PRORP: variants seen among roughly 807,000 people sequenced by gnomAD.
PRORP encodes the protein mitochondrial ribonuclease P catalytic subunit.
A neutral mutation model predicts 59.4 loss-of-function variants in PRORP; 51 were observed. That is an observed-to-expected ratio of 0.86 (90% confidence interval 0.69 to 1.08). The LOEUF is 1.08. Ranked by LOEUF, PRORP falls within the 50% of genes least tolerant of loss-of-function variation. The pLI is 0.00. For missense variants in PRORP, 646 were observed against 690.3 expected (o/e 0.94, Z 0.72); for synonymous variants, 231 against 245.6 (o/e 0.94, Z 0.55).
Position 35,137,260 on chromosome 14 carries a change from G to A in PRORP, c.1167+9649G>A, listed in dbSNP as rs1566449409. Among the ~76,000 whole-genome samples, 6 of 141,814 alleles carry A rather than the reference G, an allele frequency of 4.2e-5. 1 individual carries two copies. In the South Asian group the frequency reaches 1.4e-3, roughly 33 times the overall value. 93.0% of individuals were successfully genotyped at this position (141,814 alleles called of 152,430 possible). A position where few individuals can be genotyped will look rare whatever the true frequency, so the allele number is the denominator to read the frequency against. On this transcript the variant is annotated intron_variant, in intron 4 of 7. Transcript: ENST00000534898. ...TGCCTGTTTGGAGGATGAAGAAAAG[G>A]TATCAATAGAGATAAAAAATATTGA...
chr14:35,124,297 T>G, intron 2 of PRORP, 66 bp downstream of exon 2: 1 of 1,087,666 alleles, frequency 9.2e-7, no homozygotes, highest in Non-Finnish European at 1.3e-6. Context: ...AGACAGGGTC[T>G]TGCTCTGTTG....
At chr14:35,193,756 T>C (rs115920788) in intron 5 of PRORP, among the ~76,000 whole-genome samples, 4 of 152,078 alleles carry the variant, frequency 2.6e-5, no homozygotes, top group African/African-American at 4.8e-5. Flanking sequence ...ATGTTTACAA[T>C]AGGAAATGTT....
At chr14:35,235,830 C>G (rs2050196076) in intron 5 of PRORP, among the ~76,000 whole-genome samples, 1 of 151,858 alleles carries the variant, frequency 6.6e-6, no homozygotes, top group Non-Finnish European at 1.5e-5. Flanking sequence ...TTTTGGGAGG[C>G]CGAGGTGGTG....
At chr14:35,134,378 T>C (rs1162421134) in intron 4 of PRORP, among the ~76,000 whole-genome samples, 1 of 152,132 alleles carries the variant, frequency 6.6e-6, no homozygotes, top group Non-Finnish European at 1.5e-5. Flanking sequence ...CTTAGTGCTC[T>C]ACCCACCTCT....
Position 35,240,252 on chromosome 14 carries a change from T to C in PRORP, c.1276-26475T>C, listed in dbSNP as rs1019220852. Among the ~76,000 whole-genome samples, 9 of 151,932 alleles carry C rather than the reference T, an allele frequency of 5.9e-5. No homozygotes were observed. In the South Asian group the frequency reaches 8.3e-4, roughly 14 times the overall value. ...TTATTTTAGCATTCTTTAAAAATAC[T>C]GTGGTTCCTGCTTCCTGGGCAGTGG... On this transcript the variant is annotated intron_variant, in intron 5 of 7. Transcript: ENST00000534898.
intron 5 of PRORP, among the ~76,000 whole-genome samples, chr14:35,192,921 G>A (rs2048918693): frequency 6.6e-6 from 1 of 151,714 alleles, no homozygotes. Context: ...TTGAACCCGG[G>A]AGCCAGAGGT....
At chr14:35,126,388 G>A (rs959968774) in intron 2 of PRORP, among the ~76,000 whole-genome samples, 1 of 152,194 alleles carries the variant, frequency 6.6e-6, no homozygotes, top group Non-Finnish European at 1.5e-5. Context: ...GTGTGTAAGA[G>A]GTAAATTACT....
In PRORP at chr14:35,276,582, A is replaced by G. The variant is rs1204446685; in HGVS notation, c.*3016A>G. The G allele has an allele frequency of 6.6e-6, 1 of 151,968 alleles. No individual in the cohort carries two copies. Among genetic ancestry groups the G allele is most frequent in the African/African-American group, 2.4e-5 (1 of 41,372 alleles). The allele number at this position is 151,968 out of a possible 1,614,324, so 9.4% of individuals were successfully genotyped here. A position where few individuals can be genotyped will look rare whatever the true frequency, so the allele number is the denominator to read the frequency against. Reference sequence around the variant, plus strand: ...AGGAGTGCAGGGATTCCCTGAAGGAAGCAGCTGGTACCAGACACTTAGGCT... The same window carrying G: ...AGGAGTGCAGGGATTCCCTGAAGGAGGCAGCTGGTACCAGACACTTAGGCT... On this transcript the variant is annotated 3_prime_UTR_variant, in exon 8 of 8. Transcript: ENST00000534898.
At chr14:35,134,374 G>A (rs530344982) in intron 4 of PRORP, among the ~76,000 whole-genome samples, 1 of 152,222 alleles carries the variant, frequency 6.6e-6, no homozygotes, top group East Asian at 1.9e-4. Context: ...CACCCTTAGT[G>A]CTCTACCCAC....
At chr14:35,230,076 C>T (rs183809855) in intron 5 of PRORP, among the ~76,000 whole-genome samples, 1 of 126,978 alleles carries the variant, frequency 7.9e-6, no homozygotes, top group African/African-American at 3.4e-5. Flanking sequence ...TTTTTGAGAC[C>T]AAGTATCACT....
At chr14:35,204,343 C>G (rs1346497588) in intron 5 of PRORP, among the ~76,000 whole-genome samples, 1 of 152,156 alleles carries the variant, frequency 6.6e-6, no homozygotes, top group African/African-American at 2.4e-5. Flanking sequence ...TCCTGCCTCC[C>G]TAGTCACAAA....
intron 4 of PRORP, among the ~76,000 whole-genome samples, chr14:35,168,019 T>A (rs191422075): frequency 3.3e-5 from 5 of 152,348 alleles, no homozygotes; most frequent in Admixed American, 2.0e-4. Flanking sequence ...CATTAGTTAA[T>A]AGACACTTGA....
In PRORP at chr14:35,123,442, G is replaced by C. The variant is rs187173981; in HGVS notation, c.197G>C (p.Arg66Thr). The C allele has an allele frequency of 6.8e-6, 11 of 1,614,176 alleles. No individual in the cohort carries two copies. In the East Asian group the frequency reaches 2.5e-4, roughly 36 times the overall value. ...TKATNLIAKA[R>T]YLRKDEGSNK... Reference sequence around the variant, plus strand: ...GCAACGAATCTGATTGCCAAGGCCAGATATCTCAGGAAAGATGAGGGCAGT... The same window carrying C: ...GCAACGAATCTGATTGCCAAGGCCACATATCTCAGGAAAGATGAGGGCAGT... Residue 66 changes from arginine (R) to threonine (T), a missense_variant, in exon 2 of 8, where the codon AGA becomes ACA. Arg to Thr is a moderately conservative substitution (Grantham distance 71). Transcript: ENST00000534898.
At chr14:35,150,398 T>TA (rs2047715434) in intron 4 of PRORP, among the ~76,000 whole-genome samples, 1 of 152,200 alleles carries the variant, frequency 6.6e-6, no homozygotes, top group South Asian at 2.1e-4. Flanking sequence ...TTTACTGTCT[T>TA]ACAGCAGCAC....
chr14:35,138,234 T>C (rs1364488953), intron 4 of PRORP, among the ~76,000 whole-genome samples: 2 of 145,512 alleles, frequency 1.4e-5, no homozygotes, highest in East Asian at 2.3e-4. Flanking sequence ...GGCCCATCCT[T>C]ATGACCTTAT....
intron 4 of PRORP, among the ~76,000 whole-genome samples, chr14:35,169,971 A>G (rs2048275408): frequency 1.3e-5 from 2 of 152,180 alleles, no homozygotes; most frequent in African/African-American, 4.8e-5. Flanking sequence ...TTGTTCTGTC[A>G]GCTTTTCCTT....
At chr14:35,272,845 T>G (rs1307853034) in intron 7 of PRORP, among the ~76,000 whole-genome samples, 1 of 152,216 alleles carries the variant, frequency 6.6e-6, no homozygotes. Flanking sequence ...CTCAAGTCCC[T>G]TATATAAAAT....
chr14:35,180,107 G>C (rs1033132209), intron 4 of PRORP, among the ~76,000 whole-genome samples: 1 of 152,172 alleles, frequency 6.6e-6, no homozygotes. Flanking sequence ...TTCGTCTCAG[G>C]GGTACCCGGC....
intron 4 of PRORP, among the ~76,000 whole-genome samples, chr14:35,172,162 C>G (rs1430452185): frequency 6.6e-6 from 1 of 151,436 alleles, no homozygotes; most frequent in East Asian, 2.0e-4. Context: ...GATTCTCCTG[C>G]CTCAGCCTCC....
Sources: gnomAD v4.1 joint callset for allele counts (sites outside exome capture counted in the v4.1 genomes callset) on GRCh38, gnomAD v4.1.1 for gene constraint, MANE v1.5 for transcripts, NCBI Gene and HGNC (gene_info 2026-07-23, HGNC 2026-07-21) for gene names.